The following UVSSA variants were observed in gnomAD, a reference collection of about 807,000 sequenced individuals.
The protein encoded by UVSSA is UV-stimulated scaffold protein A.
In UVSSA, 72 loss-of-function variants were observed where a neutral mutation model predicts 73.9. The observed-to-expected ratio is 0.97, with a 90% CI of 0.81 to 1.19. The LOEUF (loss-of-function observed/expected upper bound fraction) is 1.19, where lower values mean the gene tolerates loss of function less well. UVSSA is among the 50% of genes most tolerant of loss of function. The pLI, the probability that UVSSA is intolerant of heterozygous loss-of-function variation, is 0.00. For missense variants in UVSSA, 1,150 were observed against 965.0 expected (o/e 1.19, Z -2.54); for synonymous variants, 454 against 391.3 (o/e 1.16, Z -1.89).
chr4:1,383,723 T>G, intron 12 of UVSSA, 43 bp from the exon 13 acceptor site: 1 of 1,609,430 alleles, frequency 6.2e-7, no homozygotes, highest in Non-Finnish European at 8.5e-7. Flanking sequence ...GAGGCTCTGG[T>G]CAGTGCCAGA....
At chr4:1,389,632 G>GCCTA (rs1213391182), downstream of UVSSA, 3 of 152,080 alleles carry the variant, frequency 2.0e-5, no homozygotes, top group African/African-American at 7.2e-5. Flanking sequence ...TCCTGTCTTA[G>GCCTA]CCTAGCAAAG....
At position 1,375,009 on chromosome 4, in the gene UVSSA, CAG is replaced by C. The variant is rs1376933251; in HGVS notation, c.1289-354_1289-353del. 21 of 255,866 alleles carry C rather than the reference CAG, an allele frequency of 8.2e-5. 1 individual carries two copies. Among genetic ancestry groups the C allele is most frequent in the Middle Eastern group, 2.6e-3 (2 of 784 alleles). 15.8% of individuals were successfully genotyped at this position (255,866 alleles called of 1,614,324 possible). On this transcript the variant is annotated intron_variant, in intron 8 of 13. Transcript: ENST00000389851. ...GCCTGAGCTGCCGGGGCTATGGGCA[CAG>C]GGTGCCGGGCAGTCTGGGCTCTCGC...
intron 6 of UVSSA, 110 bp downstream of exon 6, chr4:1,354,957 A>G (rs553259196): frequency 6.5e-7 from 1 of 1,532,480 alleles, no homozygotes; most frequent in East Asian, 2.4e-5. Context: ...ATGGCCCTTA[A>G]CCCGCGAGGG....
intron 8 of UVSSA, 36 bp from the exon 9 acceptor site, chr4:1,375,328 G>A: frequency 6.2e-7 from 1 of 1,609,426 alleles, no homozygotes. Flanking sequence ...CGGGTTGTGG[G>A]AGTGGTGGCA....
At chr4:1,359,444 C>T (rs1716296413) in intron 7 of UVSSA, 1 of 152,218 alleles carries the variant, frequency 6.6e-6, no homozygotes. Flanking sequence ...TGCCAAATTA[C>T]ATAGCTCAAA....
chr4:1,390,043 C>A (rs1720370559), downstream of UVSSA: 3 of 151,752 alleles, frequency 2.0e-5, no homozygotes, highest in African/African-American at 7.3e-5. Flanking sequence ...TCTTCTTTTT[C>A]TTGTTTCTTA....
intron 9 of UVSSA, 45 bp downstream of exon 9, chr4:1,375,553 C>A: frequency 6.3e-7 from 1 of 1,587,650 alleles, no homozygotes; most frequent in South Asian, 1.1e-5. Flanking sequence ...CCCGGCGCTG[C>A]CACAGCCTCT....
intron 8 of UVSSA, among the ~76,000 whole-genome samples, chr4:1,366,773 A>G (rs1210720273): frequency 2.0e-5 from 3 of 151,148 alleles, no homozygotes; most frequent in African/African-American, 7.3e-5. Flanking sequence ...CCACCATCCT[A>G]CCCTTGGTTC....
At chr4:1,385,244 C>T (rs1218734170) in intron 13 of UVSSA, 1 of 154,166 alleles carries the variant, frequency 6.5e-6, no homozygotes, top group Non-Finnish European at 1.4e-5. Flanking sequence ...TCGAGGGGCC[C>T]CCACAGCAGC....
chr4:1,344,925 G>C (rs753788700), upstream of UVSSA, among the ~76,000 whole-genome samples: 1 of 152,308 alleles, frequency 6.6e-6, no homozygotes, highest in East Asian at 1.9e-4. Context: ...CCGGCAGAGG[G>C]ATCCGCTCCC....
chr4:1,375,310 G>A, intron 8 of UVSSA, 54 bp from the exon 9 acceptor site: 3 of 1,604,654 alleles, frequency 1.9e-6, no homozygotes, highest in Non-Finnish European at 1.7e-6. Context: ...CTTGCCTGAT[G>A]TGCCTGGCGG....
Position 1,353,429 on chromosome 4 carries a change from G to A in UVSSA, c.934+16G>A. On this transcript the variant is annotated intron_variant, in intron 5 of 13. Coordinates refer to ENST00000389851, the MANE Select transcript of UVSSA (RefSeq NM_020894.4). The stretch of plus-strand genomic sequence containing the variant: ...CTCTGCTCAGGTAACTGCCTTCGCG[G>A]GGTCTCTGTGGCGCCACCCTGCCCC... 1 of 1,467,506 alleles carries A rather than the reference G, an allele frequency of 6.8e-7. No individual in the cohort carries two copies. The highest frequency in any genetic ancestry group is 9.0e-7 in the Non-Finnish European group (1 of 1,106,254). 90.9% of individuals were successfully genotyped at this position (1,467,506 alleles called of 1,614,324 possible). A position where few individuals can be genotyped will look rare whatever the true frequency, so the allele number is the denominator to read the frequency against.
At chr4:1,350,631 T>C (rs1296218817) in intron 3 of UVSSA, among the ~76,000 whole-genome samples, 3 of 152,208 alleles carry the variant, frequency 2.0e-5, no homozygotes, top group Non-Finnish European at 2.9e-5. Flanking sequence ...TGTGTTTTGT[T>C]GTAATGCACT....
chr4:1,349,040 GT>G (rs368395340), intron 2 of UVSSA, among the ~76,000 whole-genome samples: 1 of 139,978 alleles, frequency 7.1e-6, no homozygotes, highest in Non-Finnish European at 1.6e-5. Flanking sequence ...CAGGCGGTGT[GT>G]GTTTGTGCCG....
In UVSSA at chr4:1,388,036, C is replaced by A. The variant is rs142451255; in HGVS notation, c.*2075C>A. The A allele has an allele frequency of 2.1e-4, 31 of 150,986 alleles. 1 individual carries two copies. The East Asian group carries it at 6.0e-3, about 29-fold the overall frequency. 9.4% of individuals were successfully genotyped at this position (150,986 alleles called of 1,614,324 possible). ...ATGTATTACCGTCTTAATATTAAAT[C>A]TTCTGAGTCATGAGCTTCTGATTAT... On this transcript the variant is annotated 3_prime_UTR_variant, in exon 14 of 14. Transcript: ENST00000389851.
chr4:1,381,640 C>G (rs771578893), intron 12 of UVSSA, among the ~76,000 whole-genome samples: 65 of 152,176 alleles, frequency 4.3e-4, no homozygotes, highest in Admixed American at 1.7e-3. Context: ...TTTTTAGAGG[C>G]CCTGGCCAGC....
rs376143921 is a variant in UVSSA, at chr4:1,380,863, G to T, written c.1753-17G>T. The T allele has an allele frequency of 4.4e-6, 7 of 1,607,296 alleles. No individual in the cohort carries two copies. The African/African-American group carries it at 8.0e-5, about 18-fold the overall frequency. On this transcript the variant is annotated splice_polypyrimidine_tract_variant and intron_variant, in intron 11 of 13. Coordinates refer to ENST00000389851, the MANE Select transcript of UVSSA (RefSeq NM_020894.4). ...GGACCCCTCCCCGCCATCAGCCACC[G>T]TGTCCTCGCTGTGCAGTGCCCTTTC...
Position 1,375,405 on chromosome 4 carries a change from T to G in UVSSA, c.1330T>G (p.Leu444Val). 3 of 1,613,604 alleles carry G rather than the reference T, an allele frequency of 1.9e-6. No individual in the cohort carries two copies. Among genetic ancestry groups the G allele is most frequent in the Non-Finnish European group, 2.5e-6 (3 of 1,180,020 alleles). The change falls in exon 9 of 14, where the codon TTG becomes GTG. Residue 444 changes from leucine to valine, a missense_variant. Transcript: ENST00000389851. The part of the protein sequence containing the change: ...APEKDTVVRC[L>V]RTRTRMDEEV... ...AGAGAAAGACACAGTTGTGCGGTGC[T>G]TGCGGACGAGGACGAGGATGGACGA...
chr4:1,383,964 T>A, intron 13 of UVSSA, 24 bp downstream of exon 13: 1 of 1,597,340 alleles, frequency 6.3e-7, no homozygotes, highest in Non-Finnish European at 8.5e-7. Context: ...CTGGGTCACC[T>A]CCCACCGCGT....
Sources: allele counts gnomAD v4.1 joint callset (sites outside exome capture counted in the v4.1 genomes callset), GRCh38; gene constraint gnomAD v4.1.1; transcripts MANE v1.5; gene names NCBI Gene and HGNC (gene_info 2026-07-23, HGNC 2026-07-21).